The following DENND5B variants were observed in gnomAD, a reference collection of about 807,000 sequenced individuals.
DENND5B encodes the protein DENN domain containing 5B.
Under a neutral mutation model 140.6 loss-of-function variants are expected in DENND5B, and 34 were observed. The ratio of observed to expected loss-of-function variants is 0.24; its 90% CI spans 0.18 to 0.32. DENND5B has a LOEUF of 0.32. Among genes scored for constraint, DENND5B ranks in the 10% least tolerant of loss-of-function variants. The probability of loss-of-function intolerance (pLI) is 1.00; values close to 1 mark genes in which losing one functional copy is unlikely to be tolerated. For missense variants in DENND5B, 1,142 were observed against 1,560.2 expected, an observed-to-expected ratio of 0.73 and a Z score of 4.52; for synonymous variants, 551 against 562.1, an observed-to-expected ratio of 0.98 and a Z score of 0.28.
At chr12:31,543,395 G>A (rs1948752993) in intron 1 of DENND5B, among the ~76,000 whole-genome samples, 1 of 152,132 alleles carries the variant, frequency 6.6e-6, no homozygotes, top group Non-Finnish European at 1.5e-5. Flanking sequence ...TTTTATAAAA[G>A]TAATTTATGC....
chr12:31,590,757 C>T lies in DENND5B; in HGVS notation c.76G>A (p.Val26Met). The change falls in exon 1 of 21, where the codon GTG becomes ATG. Residue 26 changes from valine (V) to methionine (M), a missense_variant. By Grantham distance (21) the Val-to-Met change is conservative. Transcript: ENST00000389082. ...CTGTCCGCGTCGATCCCGCACAGCA[C>T]GAAGTAGTGCGCGAAGCGGCAGGCG... is the stretch of plus-strand genomic sequence containing the variant. ...PAACRFAHYF[V>M]LCGIDADSGL... The T allele has an allele frequency of 2.8e-6, 4 of 1,422,018 alleles. No individual in the cohort carries two copies. The highest frequency in any genetic ancestry group is 3.7e-6 in the Non-Finnish European group (4 of 1,088,792). The allele number at this position is 1,422,018 out of a possible 1,614,324, so 88.1% of individuals were successfully genotyped here.
chr12:31,434,456 C>T lies in DENND5B; in HGVS notation c.2013-1208G>A, dbSNP rs147835919. On this transcript the variant is annotated intron_variant, in intron 7 of 20. Transcript: ENST00000389082. ...ATGGCCGAAGATGTAAGTTGCCTTCCAGCTCAAATACCTTTGTTTTTGGTT... is the reference window on the plus strand; with the variant it reads ...ATGGCCGAAGATGTAAGTTGCCTTCTAGCTCAAATACCTTTGTTTTTGGTT... 2.3e-3 allele frequency among the ~76,000 whole-genome samples: 351 copies of T among 152,298 alleles called. 4 individuals are homozygous for T. The highest frequency in any genetic ancestry group is 7.7e-3 in the African/African-American group (319 of 41,554).
intron 1 of DENND5B, among the ~76,000 whole-genome samples, chr12:31,536,310 CA>C (rs1948491524): frequency 6.6e-6 from 1 of 151,960 alleles, no homozygotes; most frequent in Non-Finnish European, 1.5e-5. Context: ...GAAAACTCAA[CA>C]AAATTCAAGA....
At chr12:31,553,186 T>C (rs1197895168) in intron 1 of DENND5B, among the ~76,000 whole-genome samples, 2 of 152,232 alleles carry the variant, frequency 1.3e-5, no homozygotes, top group South Asian at 2.1e-4. Flanking sequence ...TCCTGCTTTC[T>C]CTTGTGGACA....
chr12:31,419,958 A>T, intron 11 of DENND5B: 1 of 934,892 alleles, frequency 1.1e-6, no homozygotes, highest in Non-Finnish European at 1.2e-6. Context: ...GGGCAACAAG[A>T]GCGAAACTCC....
rs143134335 is a variant in DENND5B at position 31,458,984 on chromosome 12, G to A, written c.1092+1210C>T. ...TCCCAGCATTTTGGGAGGCCGGGGCGGGCAGATCACCTGAAGATGGGAGTT... is the reference window on the plus strand; with the variant it reads ...TCCCAGCATTTTGGGAGGCCGGGGCAGGCAGATCACCTGAAGATGGGAGTT... On this transcript the variant is annotated intron_variant, in intron 4 of 20. Transcript: ENST00000389082. Among the ~76,000 whole-genome samples, 54 of 152,084 alleles carry A rather than the reference G, an allele frequency of 3.6e-4. 1 individual carries two copies. In the East Asian group the frequency reaches 7.8e-3, roughly 22 times the overall value.
chr12:31,564,561 CTATTATTATTATTATTAT>C (rs3074755), intron 1 of DENND5B, among the ~76,000 whole-genome samples: 37 of 136,054 alleles, frequency 2.7e-4, no homozygotes, highest in African/African-American at 9.2e-4. Context: ...TCTTTTCATT[CTATTATTATTATTATTAT>C]TATTATTATT....
At chr12:31,455,020 C>A (rs1247424622) in intron 4 of DENND5B, among the ~76,000 whole-genome samples, 15 of 151,790 alleles carry the variant, frequency 9.9e-5, no homozygotes, top group Admixed American at 3.9e-4. Flanking sequence ...CAGGGTTTCA[C>A]CGTGTTAGCC....
chr12:31,452,498 C>T (rs780874344), intron 4 of DENND5B, 22 bp from the exon 5 acceptor site: 184 of 1,568,040 alleles, frequency 1.2e-4, no homozygotes, highest in Non-Finnish European at 1.5e-4. Context: ...AAATGAAATA[C>T]AAAGGTTTAA....
At chr12:31,502,055 G>A (rs1947027833) in intron 1 of DENND5B, among the ~76,000 whole-genome samples, 2 of 152,036 alleles carry the variant, frequency 1.3e-5, no homozygotes, top group Admixed American at 6.6e-5. Flanking sequence ...AGTGGCTCAC[G>A]CCTGTAATCC....
At chr12:31,504,570 A>G (rs1269148034) in intron 1 of DENND5B, among the ~76,000 whole-genome samples, 1 of 152,168 alleles carries the variant, frequency 6.6e-6, no homozygotes, top group Non-Finnish European at 1.5e-5. Context: ...CAGCCTGATC[A>G]TCATGGTTAA....
At chr12:31,405,003 G>A (rs1230792905) in intron 14 of DENND5B, among the ~76,000 whole-genome samples, 3 of 151,346 alleles carry the variant, frequency 2.0e-5, no homozygotes, top group Admixed American at 6.6e-5. Context: ...CAGGTGATCT[G>A]CTCACCTCGG....
At chr12:31,546,066 T>G (rs7954595) in intron 1 of DENND5B, among the ~76,000 whole-genome samples, 84,397 of 151,360 alleles carry the variant, frequency 0.56, 23,980 homozygotes, top group East Asian at 0.82. Flanking sequence ...TGGCTAGTGT[T>G]TGTACTTTCA....
In DENND5B at chr12:31,479,747, C is replaced by A; in HGVS notation, c.746G>T (p.Gly249Val). 4.4e-6 allele frequency: 7 copies of A among 1,603,714 alleles called. No homozygotes were observed. Among genetic ancestry groups the A allele is most frequent in the Non-Finnish European group, 6.0e-6 (7 of 1,175,108 alleles). Residue 249 changes from glycine to valine, a missense_variant, in exon 3 of 21, where the codon GGT (glycine) becomes GTT (valine). Coordinates refer to ENST00000389082, the MANE Select transcript of DENND5B (RefSeq NM_144973.4). The part of the protein sequence containing the change: ...PPPGRSLKFY[G>V]VYEPVICQRP... Reference sequence around the variant, plus strand: ...CTGGCAGATGACAGGTTCATAAACACCATAAAATTTCAGTGACCTCCCTGG... The same window carrying A: ...CTGGCAGATGACAGGTTCATAAACAACATAAAATTTCAGTGACCTCCCTGG...
At chr12:31,448,630 G>A (rs1304317213) in intron 5 of DENND5B, among the ~76,000 whole-genome samples, 2 of 152,172 alleles carry the variant, frequency 1.3e-5, no homozygotes, top group African/African-American at 4.8e-5. Flanking sequence ...AACTCTGTGA[G>A]AAATCAATAG....
At chr12:31,588,181 C>T (rs149841472) in intron 1 of DENND5B, among the ~76,000 whole-genome samples, 1 of 152,158 alleles carries the variant, frequency 6.6e-6, no homozygotes, top group African/African-American at 2.4e-5. Context: ...GTTTCTTCTG[C>T]GTGCAATGCT....
chr12:31,469,073 G>T (rs1427327312), intron 3 of DENND5B, among the ~76,000 whole-genome samples: 1 of 151,898 alleles, frequency 6.6e-6, no homozygotes, highest in East Asian at 1.9e-4. Flanking sequence ...CATTGCCTCA[G>T]GTCTGTAATC....
chr12:31,447,375 A>G (rs1268776719), intron 6 of DENND5B, among the ~76,000 whole-genome samples, 163 bp downstream of exon 6: 2 of 152,214 alleles, frequency 1.3e-5, no homozygotes, highest in African/African-American at 4.8e-5. Context: ...AAGTAGGAGT[A>G]GGACTCAGAA....
intron 8 of DENND5B, among the ~76,000 whole-genome samples, chr12:31,428,355 A>G (rs1328890711): frequency 6.6e-6 from 1 of 150,942 alleles, no homozygotes; most frequent in African/African-American, 2.4e-5. Flanking sequence ...AAAAAAAAAA[A>G]TGTTTGCAGC....
Sources: allele counts gnomAD v4.1 joint callset (sites outside exome capture counted in the v4.1 genomes callset), GRCh38; gene constraint gnomAD v4.1.1; transcripts MANE v1.5; gene names NCBI Gene and HGNC (gene_info 2026-07-23, HGNC 2026-07-21).